Variants in GABRR2 observed in about 807,000 individuals in gnomAD.
GABRR2 encodes the protein gamma-aminobutyric acid type A receptor subunit rho2, also known as gamma-aminobutyric acid receptor subunit rho-2.
In GABRR2, 36 loss-of-function variants were observed where a neutral mutation model predicts 47.0. That is an observed-to-expected ratio of 0.77 (90% CI 0.59 to 1.01). The LOEUF is 1.01. Ranked by LOEUF, GABRR2 falls within the 50% of genes least tolerant of loss-of-function variation. GABRR2 has a pLI of 0.00. For missense variants in GABRR2, 587 were observed against 594.6 expected (o/e 0.99, Z 0.13); for synonymous variants, 204 against 227.5 (o/e 0.90, Z 0.93).
At chr6:89,301,681 C>T in intron 1 of GABRR2, 1 of 572,132 alleles carries the variant, frequency 1.7e-6, no homozygotes, top group South Asian at 1.9e-5. Context: ...TGAAAGATCT[C>T]TACAATGAGA....
chr6:89,267,650 T>G (rs753519704), intron 6 of GABRR2, 29 bp downstream of exon 6: 1 of 1,594,910 alleles, frequency 6.3e-7, no homozygotes, highest in Non-Finnish European at 8.5e-7. Context: ...CTTGCACATT[T>G]GAATCAGATT....
intron 2 of GABRR2, among the ~76,000 whole-genome samples, chr6:89,275,810 C>A (rs1252682646): frequency 6.6e-6 from 1 of 152,098 alleles, no homozygotes; most frequent in Admixed American, 6.5e-5. Context: ...ATATATTGTA[C>A]ATCCCAAAGA....
chr6:89,303,559 G>A (rs945693842), intron 1 of GABRR2, among the ~76,000 whole-genome samples: 2 of 144,828 alleles, frequency 1.4e-5, no homozygotes, highest in African/African-American at 5.1e-5. Flanking sequence ...AACTACCAGA[G>A]ATATTCTTCA....
At chr6:89,302,798 C>T (rs1002989640) in intron 1 of GABRR2, 19 of 1,439,894 alleles carry the variant, frequency 1.3e-5, no homozygotes, top group Non-Finnish European at 1.8e-5. Flanking sequence ...TGGAGTGGAT[C>T]CCCAACAACA....
rs199765709 is a variant in GABRR2, at chr6:89,279,682, T to TAA, written c.221-7962_221-7961dup. Among the ~76,000 whole-genome samples, 497 of 129,860 alleles carry TAA rather than the reference T, an allele frequency of 3.8e-3. 4 individuals are homozygous for TAA. Among genetic ancestry groups the TAA allele is most frequent in the African/African-American group, 0.012 (445 of 35,610 alleles). The allele number at this position is 129,860 out of a possible 152,430, so 85.2% of individuals were successfully genotyped here. On this transcript the variant is annotated intron_variant, in intron 2 of 8. Transcript: ENST00000402938. ...CCACTATGCCAGCTACAAAAAAAGTTAAAAAAAAAAAAAACCCCACTGATA... is the reference window on the plus strand; with the variant it reads ...CCACTATGCCAGCTACAAAAAAAGTTAAAAAAAAAAAAAAAACCCCACTGATA...
At chr6:89,267,271 TA>T (rs966235038) in intron 6 of GABRR2, among the ~76,000 whole-genome samples, 13 of 152,260 alleles carry the variant, frequency 8.5e-5, no homozygotes, top group African/African-American at 2.4e-4. Flanking sequence ...ATTATTTTAA[TA>T]ATCAAAATTT....
intron 4 of GABRR2, among the ~76,000 whole-genome samples, chr6:89,268,657 G>C (rs1348513032): frequency 1.4e-4 from 1 of 7,130 alleles, no homozygotes; most frequent in African/African-American, 6.5e-4. Flanking sequence ...TTTGGGGGAC[G>C]GGGGGGGGCT....
intron 2 of GABRR2, among the ~76,000 whole-genome samples, chr6:89,279,618 C>A (rs1774222660): frequency 6.6e-6 from 1 of 151,346 alleles, no homozygotes; most frequent in South Asian, 2.1e-4. Context: ...GGGATCCTCC[C>A]TCCTCAGGCT....
intron 2 of GABRR2, among the ~76,000 whole-genome samples, chr6:89,276,348 C>G (rs986201356): frequency 2.6e-5 from 4 of 151,780 alleles, no homozygotes; most frequent in Non-Finnish European, 5.9e-5. Context: ...TTGAGAGTTT[C>G]TGCATAAAAC....
At chr6:89,303,773 G>A (rs962846430) in intron 1 of GABRR2, among the ~76,000 whole-genome samples, 7 of 151,832 alleles carry the variant, frequency 4.6e-5, no homozygotes, top group African/African-American at 1.7e-4. Context: ...ATAGACCAAA[G>A]GAACAGAATA....
At chr6:89,290,171 C>T (rs1458582511) in intron 2 of GABRR2, among the ~76,000 whole-genome samples, 1 of 152,212 alleles carries the variant, frequency 6.6e-6, no homozygotes, top group Non-Finnish European at 1.5e-5. Context: ...ACAAATACAC[C>T]TTCCTATCAG....
At chr6:89,311,961 T>C (rs1767689196) in intron 1 of GABRR2, among the ~76,000 whole-genome samples, 1 of 152,190 alleles carries the variant, frequency 6.6e-6, no homozygotes, top group Non-Finnish European at 1.5e-5. Flanking sequence ...ACTGTGTGGC[T>C]GGAAAGCAAA....
intron 1 of GABRR2, among the ~76,000 whole-genome samples, chr6:89,304,799 G>A (rs1204732413): frequency 6.6e-6 from 1 of 152,136 alleles, no homozygotes; most frequent in Non-Finnish European, 1.5e-5. Context: ...ACAGATTCTG[G>A]TGAGGTTGCA....
intron 5 of GABRR2, 45 bp downstream of exon 5, chr6:89,267,969 T>C (rs990773184): frequency 6.3e-7 from 1 of 1,591,948 alleles, no homozygotes. Flanking sequence ...GGCACAAAGA[T>C]CAGAGAGGAA....
At chr6:89,276,097 A>C (rs919114398) in intron 2 of GABRR2, among the ~76,000 whole-genome samples, 2 of 147,780 alleles carry the variant, frequency 1.4e-5, no homozygotes, top group African/African-American at 4.9e-5. Flanking sequence ...ATCATTATTT[A>C]TATTATATAC....
chr6:89,303,145 G>C (rs888486998), intron 1 of GABRR2: 3 of 468,670 alleles, frequency 6.4e-6, no homozygotes, highest in Non-Finnish European at 8.2e-6. Flanking sequence ...AGGGGCAGGT[G>C]GCGCCGGTGC....
intron 2 of GABRR2, 132 bp downstream of exon 2, chr6:89,299,627 T>G: frequency 1.6e-6 from 1 of 628,846 alleles, no homozygotes; most frequent in Non-Finnish European, 2.9e-6. Flanking sequence ...ACTCAGGAAA[T>G]GGAGTCAGAT....
intron 4 of GABRR2, 146 bp downstream of exon 4, chr6:89,268,865 T>G: frequency 1.5e-6 from 1 of 670,532 alleles, no homozygotes; most frequent in Non-Finnish European, 2.6e-6. Flanking sequence ...CATGTCATGT[T>G]TAGATAGTTC....
intron 7 of GABRR2, among the ~76,000 whole-genome samples, chr6:89,265,246 C>T (rs1303272445): frequency 6.6e-6 from 1 of 152,180 alleles, no homozygotes; most frequent in Non-Finnish European, 1.5e-5. Context: ...TCCAAGCCCT[C>T]AGTCTGTCTA....
Sources: allele counts gnomAD v4.1 joint callset (sites outside exome capture counted in the v4.1 genomes callset), GRCh38; gene constraint gnomAD v4.1.1; transcripts MANE v1.5; gene names NCBI Gene and HGNC (gene_info 2026-07-23, HGNC 2026-07-21).